The following SIM1 variants were observed in gnomAD, a reference collection of about 807,000 sequenced individuals.
SIM1 encodes single-minded homolog 1.
SIM1 carries 18 observed loss-of-function variants against 78.2 expected under a neutral mutation model. The observed-to-expected ratio is 0.23, with a 90% confidence interval of 0.16 to 0.34. SIM1 has a LOEUF of 0.34. Among genes scored for constraint, SIM1 ranks in the 10% least tolerant of loss-of-function variants. The probability of loss-of-function intolerance (pLI) is 1.00; values close to 1 mark genes in which losing one functional copy is unlikely to be tolerated. For missense variants in SIM1, 939 were observed against 975.1 expected (o/e 0.96, Z 0.49); for synonymous variants, 417 against 385.2 (o/e 1.08, Z -0.97).
In SIM1 at chr6:100,385,540, TA is replaced by T; in HGVS notation, c.*4820del. The T allele has an allele frequency of 6.6e-6, 1 of 152,080 alleles. No homozygotes were observed. The highest frequency in any genetic ancestry group is 1.9e-4 in the East Asian group (1 of 5,170). 9.4% of individuals were successfully genotyped at this position (152,080 alleles called of 1,614,324 possible). A position where few individuals can be genotyped will look rare whatever the true frequency, so the allele number is the denominator to read the frequency against. On this transcript the variant is annotated 3_prime_UTR_variant, in exon 12 of 12. Coordinates refer to ENST00000369208, the MANE Select transcript of SIM1 (RefSeq NM_005068.3). ...CCCAGGTCAGCAAATTAGGGCAAAT[TA>T]ACCCCAACCCCATATAGATTTATGA...
At chr6:100,443,069 T>A (rs1055289298) in intron 9 of SIM1, among the ~76,000 whole-genome samples, 2 of 152,088 alleles carry the variant, frequency 1.3e-5, no homozygotes, top group Non-Finnish European at 2.9e-5. Context: ...GCCCCCTTTT[T>A]TTTTCATTGA....
In SIM1 at chr6:100,386,974, T is replaced by C. The variant is rs1431772821; in HGVS notation, c.*3387A>G. 1 of 152,026 alleles carries C rather than the reference T, an allele frequency of 6.6e-6. No individual in the cohort carries two copies. The highest frequency in any genetic ancestry group is 1.5e-5 in the Non-Finnish European group (1 of 67,910). 9.4% of individuals were successfully genotyped at this position (152,026 alleles called of 1,614,324 possible). A position where few individuals can be genotyped will look rare whatever the true frequency, so the allele number is the denominator to read the frequency against. On this transcript the variant is annotated 3_prime_UTR_variant, in exon 12 of 12. Transcript: ENST00000369208. Reference sequence around the variant, plus strand: ...ATCCCAAAATAACACATCAAATCTATATATTCCCAATAACAATTTAAACAG... The same window carrying C: ...ATCCCAAAATAACACATCAAATCTACATATTCCCAATAACAATTTAAACAG...
At chr6:100,428,287 T>TA (rs1414635097) in intron 9 of SIM1, among the ~76,000 whole-genome samples, 2 of 152,212 alleles carry the variant, frequency 1.3e-5, no homozygotes, top group Non-Finnish European at 2.9e-5. Flanking sequence ...TTTGGACTAT[T>TA]ACAGTTGTAT....
At chr6:100,420,673 G>A in intron 10 of SIM1, 117 bp downstream of exon 10, 1 of 939,114 alleles carries the variant, frequency 1.1e-6, no homozygotes, top group Non-Finnish European at 1.6e-6. Flanking sequence ...CAGATTTATA[G>A]AAGTTTTAGT....
At chr6:100,399,198 A>G (rs905934379) in intron 10 of SIM1, among the ~76,000 whole-genome samples, 1 of 152,084 alleles carries the variant, frequency 6.6e-6, no homozygotes, top group East Asian at 1.9e-4. Flanking sequence ...ACTGGAAACA[A>G]CTCAGATTTC....
rs751915079 is a variant in SIM1, at chr6:100,387,428, T to C, written c.*2933A>G. 1.7e-4 allele frequency: 26 copies of C among 152,096 alleles called. No individual in the cohort carries two copies. Among genetic ancestry groups the C allele is most frequent in the Non-Finnish European group, 3.1e-4 (21 of 67,936 alleles). 9.4% of individuals were successfully genotyped at this position (152,096 alleles called of 1,614,324 possible). A position where few individuals can be genotyped will look rare whatever the true frequency, so the allele number is the denominator to read the frequency against. ...CTGCACAGAACAAAATAATGTAGAT[T>C]ATAAACACATTTTAACACATTCACA... On this transcript the variant is annotated 3_prime_UTR_variant, in exon 12 of 12. Transcript: ENST00000369208.
chr6:100,396,405 A>T (rs1770769469), intron 10 of SIM1, among the ~76,000 whole-genome samples: 1 of 152,180 alleles, frequency 6.6e-6, no homozygotes, highest in East Asian at 1.9e-4. Flanking sequence ...TATTGGCGCA[A>T]CAGAGAAGAA....
intron 2 of SIM1, among the ~76,000 whole-genome samples, chr6:100,455,719 G>A (rs1772632422): frequency 1.3e-5 from 2 of 152,192 alleles, no homozygotes; most frequent in African/African-American, 2.4e-5. Flanking sequence ...GAGCGAGCCT[G>A]GAGCGGGCAA....
chr6:100,421,616 G>A (rs948929409), intron 9 of SIM1, among the ~76,000 whole-genome samples: 1 of 152,004 alleles, frequency 6.6e-6, no homozygotes, highest in African/African-American at 2.4e-5. Flanking sequence ...AATATACTGG[G>A]GAGAAGAAAC....
intron 9 of SIM1, among the ~76,000 whole-genome samples, chr6:100,444,321 G>A (rs1772298389): frequency 6.6e-6 from 1 of 152,048 alleles, no homozygotes; most frequent in African/African-American, 2.4e-5. Flanking sequence ...AGAGATCAAG[G>A]CCTGTCATAC....
chr6:100,456,706 T>A (rs1772674378), intron 2 of SIM1, among the ~76,000 whole-genome samples: 1 of 152,218 alleles, frequency 6.6e-6, no homozygotes. Context: ...GTCTGCTTTA[T>A]CATATTTACA....
At position 100,388,131 on chromosome 6, in the gene SIM1, A is replaced by G. The variant is rs1190773934; in HGVS notation, c.*2230T>C. 1 of 152,188 alleles carries G rather than the reference A, an allele frequency of 6.6e-6. No individual in the cohort carries two copies. The highest frequency in any genetic ancestry group is 2.4e-5 in the African/African-American group (1 of 41,452). 9.4% of individuals were successfully genotyped at this position (152,188 alleles called of 1,614,324 possible). ...TCTCATAAATAATTTTCTCAAAATT[A>G]CTAAATACTCTTTTTTGTATAATTC... is the stretch of plus-strand genomic sequence containing the variant. On this transcript the variant is annotated 3_prime_UTR_variant, in exon 12 of 12. Transcript: ENST00000369208.
At chr6:100,438,802 C>A (rs1772128266) in intron 9 of SIM1, among the ~76,000 whole-genome samples, 1 of 152,160 alleles carries the variant, frequency 6.6e-6, no homozygotes, top group Non-Finnish European at 1.5e-5. Flanking sequence ...AAAATAATGT[C>A]TTTTGCAGCA....
At position 100,393,781 on chromosome 6, in the gene SIM1, G is replaced by A. The variant is rs752398813; in HGVS notation, c.1276C>T (p.Pro426Ser). 32 of 1,614,014 alleles carry A rather than the reference G, an allele frequency of 2.0e-5. No individual in the cohort carries two copies. The highest frequency in any genetic ancestry group is 2.1e-5 in the Non-Finnish European group (25 of 1,180,014). Residue 426 changes from proline (P) to serine (S), a missense_variant, in exon 11 of 12, where the codon CCT (proline) becomes TCT (serine). Pro to Ser is a moderately conservative substitution (Grantham distance 74, BLOSUM62 -1). Coordinates refer to ENST00000369208, the MANE Select transcript of SIM1 (RefSeq NM_005068.3). ...CACGATGCGTCGTGCTGGGAGCCAG[G>A]CCTATCGGCGGGGTCCAGAAGCTGC... ...SPQLLDPADR[P>S]GSQHDASCAY...
chr6:100,399,713 T>C (rs746358927), intron 10 of SIM1, among the ~76,000 whole-genome samples: 2 of 152,058 alleles, frequency 1.3e-5, no homozygotes, highest in African/African-American at 2.4e-5. Flanking sequence ...AAATATAGCA[T>C]AATGCATTCA....
intron 10 of SIM1, among the ~76,000 whole-genome samples, chr6:100,419,099 G>A (rs1381053331): frequency 6.6e-6 from 1 of 152,148 alleles, no homozygotes; most frequent in Non-Finnish European, 1.5e-5. Context: ...CCAGGAGGCA[G>A]AGGTTGTGGT....
At chr6:100,443,017 C>T (rs893273345) in intron 9 of SIM1, among the ~76,000 whole-genome samples, 13 of 151,840 alleles carry the variant, frequency 8.6e-5, no homozygotes, top group South Asian at 4.1e-4. Flanking sequence ...CATATGCAAA[C>T]AACAACAAAA....
At chr6:100,458,758 C>T (rs1227134097) in intron 2 of SIM1, among the ~76,000 whole-genome samples, 5 of 151,842 alleles carry the variant, frequency 3.3e-5, no homozygotes, top group South Asian at 4.2e-4. Flanking sequence ...CCCTGCGCCG[C>T]CGAGGCCGAG....
chr6:100,448,381 T>C, intron 7 of SIM1, 98 bp downstream of exon 7: 1 of 1,411,842 alleles, frequency 7.1e-7, no homozygotes. Context: ...AGTCGCCTCA[T>C]GTGCAAAATG....
Sources: allele counts gnomAD v4.1 joint callset (sites outside exome capture counted in the v4.1 genomes callset), GRCh38; gene constraint gnomAD v4.1.1; transcripts MANE v1.5; gene names NCBI Gene and HGNC (gene_info 2026-07-23, HGNC 2026-07-21).